The following DDX5 variants were observed in gnomAD, a reference collection of about 807,000 sequenced individuals.
DDX5 encodes the protein probable ATP-dependent RNA helicase DDX5.
Under a neutral mutation model 68.6 loss-of-function variants are expected in DDX5, and 6 were observed. The observed-to-expected ratio is 0.09, with a 90% CI of 0.05 to 0.17. DDX5 has a LOEUF of 0.17. DDX5 is among the 10% of genes least tolerant of loss of function. The pLI, the probability that DDX5 is intolerant of heterozygous loss-of-function variation, is 1.00. For missense variants in DDX5, 499 were observed against 756.1 expected, an observed-to-expected ratio of 0.66 and a Z score of 3.99; for synonymous variants, 350 against 247.0, an observed-to-expected ratio of 1.42 and a Z score of -3.91.
intron 9 of DDX5, 82 bp from the exon 10 acceptor site, chr17:64,502,305 C>G (rs2038316369): frequency 6.6e-7 from 1 of 1,516,834 alleles, no homozygotes. Flanking sequence ...GGTCACAGAT[C>G]TCTTTAATTT....
At chr17:64,503,658 G>C (rs903778243) in intron 5 of DDX5, 87 bp from the exon 6 acceptor site, 1 of 1,570,478 alleles carries the variant, frequency 6.4e-7, no homozygotes, top group Non-Finnish European at 8.7e-7. Flanking sequence ...CTTTCTTCAT[G>C]TGTTGTCCAA....
rs781807864 is a variant in DDX5, at chr17:64,502,142, A to G, written c.1156+20T>C. 3.7e-6 allele frequency: 6 copies of G among 1,613,898 alleles called. No homozygotes were observed. In the South Asian group the frequency reaches 6.6e-5, roughly 18 times the overall value. ...GCTAGGTTAAGTAAGGGGGAAAAAT[A>G]CTTCATTTGAAATATTTACCATTTA... On this transcript the variant is annotated intron_variant, in intron 10 of 12. Coordinates refer to ENST00000225792, the MANE Select transcript of DDX5 (RefSeq NM_004396.5).
rs370378223 is a variant in DDX5 at position 64,502,943 on chromosome 17, G to A, written c.966C>T (p.Asp322=). The A allele has an allele frequency of 1.9e-5, 31 of 1,594,774 alleles. No homozygotes were observed. The highest frequency in any genetic ancestry group is 1.1e-4 in the South Asian group (10 of 88,954). ...AAACTTACTTTTCATCCTTTTCTAC[G>A]TCATGACACACATCCACAATCTGAA... ...NILQIVDVCH[D]VEKDEKLIRL... is the part of the protein sequence containing the mutation. The change falls in exon 8 of 13, where the codon GAC becomes GAT. Residue 322 remains aspartate (D), a synonymous_variant. Transcript: ENST00000225792.
At chr17:64,505,689 C>T (rs148664426) in intron 1 of DDX5, 79 of 1,505,252 alleles carry the variant, frequency 5.2e-5, no homozygotes, top group Non-Finnish European at 6.6e-5. Context: ...TGGAAGTGGT[C>T]CCCTCGCTCC....
In DDX5 at chr17:64,498,403, A is replaced by G. The variant is rs1187368746; in HGVS notation, c.*1520T>C. ...ATCATTTCAGTGTTTACAAATTAAA[A>G]GGCCCACGGTTAAGACATTAAACAG... On this transcript the variant is annotated 3_prime_UTR_variant, in exon 13 of 13. Coordinates refer to ENST00000225792, the MANE Select transcript of DDX5 (RefSeq NM_004396.5). Among the ~76,000 whole-genome samples the G allele has an allele frequency of 6.6e-6, 1 of 152,236 alleles. No individual in the cohort carries two copies. The highest frequency in any genetic ancestry group is 2.4e-5 in the African/African-American group (1 of 41,464).
chr17:64,505,058 C>G (rs935673138), intron 1 of DDX5: 1 of 429,396 alleles, frequency 2.3e-6, no homozygotes, highest in South Asian at 6.2e-5. Context: ...ATGTAAACAG[C>G]CTGGGATTTA....
chr17:64,500,380 G>T, intron 12 of DDX5, 54 bp from the exon 13 acceptor site: 1 of 1,560,586 alleles, frequency 6.4e-7, no homozygotes, highest in African/African-American at 1.4e-5. Flanking sequence ...ACAAATCATT[G>T]TGGACAGAAA....
At chr17:64,506,683 G>A (rs1246753191), upstream of DDX5, 3 of 374,842 alleles carry the variant, frequency 8.0e-6, no homozygotes, top group South Asian at 2.8e-5. Flanking sequence ...TACCACCCCG[G>A]ACCACCGAGA....
In DDX5 at chr17:64,499,869, C is replaced by T; in HGVS notation, c.*54G>A. ...TAAATAACTATCTTGTCAGATAACA[C>T]ACAATATAAAGAGCAATTATGAAAA... is the stretch of plus-strand genomic sequence containing the variant. On this transcript the variant is annotated 3_prime_UTR_variant, in exon 13 of 13. Transcript: ENST00000225792. The T allele has an allele frequency of 2.0e-6, 3 of 1,465,358 alleles. No homozygotes were observed. The highest frequency in any genetic ancestry group is 1.8e-6 in the Non-Finnish European group (2 of 1,096,506). 90.8% of individuals were successfully genotyped at this position (1,465,358 alleles called of 1,614,324 possible).
intron 4 of DDX5, 32 bp downstream of exon 4, chr17:64,503,951 T>A: frequency 6.2e-7 from 1 of 1,614,046 alleles, no homozygotes; most frequent in South Asian, 1.1e-5. Flanking sequence ...CTTGCATATA[T>A]CAGATCAACT....
Position 64,502,422 on chromosome 17 carries a change from G to A in DDX5, c.1094+17C>T. 6.3e-7 allele frequency: 1 copy of A among 1,575,422 alleles called. No individual in the cohort carries two copies. The highest frequency in any genetic ancestry group is 8.7e-7 in the Non-Finnish European group (1 of 1,145,226). On this transcript the variant is annotated intron_variant, in intron 9 of 12. Coordinates refer to ENST00000225792, the MANE Select transcript of DDX5 (RefSeq NM_004396.5). ...CTGTTTTAATCAATCTGCTTCAATG[G>A]AGGAGCTCACACATACCCATCTCTC... is the stretch of plus-strand genomic sequence containing the variant.
chr17:64,505,792 G>A lies in DDX5; in HGVS notation c.44+284C>T, dbSNP rs782388129. 148 of 1,535,962 alleles carry A rather than the reference G, an allele frequency of 9.6e-5. No individual in the cohort carries two copies. The African/African-American group carries it at 1.7e-3, about 18-fold the overall frequency. On this transcript the variant is annotated intron_variant, in intron 1 of 12. Transcript: ENST00000225792. ...GCCTCGAAGCGTCCCGCTTTCATCC[G>A]CACAATACGCTCCCTCTCAACTCCC...
intron 2 of DDX5, 70 bp from the exon 3 acceptor site, chr17:64,504,388 C>T (rs1489446971): frequency 2.3e-6 from 3 of 1,316,328 alleles, no homozygotes; most frequent in African/African-American, 1.5e-5. Context: ...AATTGATAAG[C>T]CCCTAACTTC....
chr17:64,500,933 T>A, intron 11 of DDX5, 160 bp from the exon 12 acceptor site: 1 of 617,104 alleles, frequency 1.6e-6, no homozygotes, highest in Non-Finnish European at 2.8e-6. Flanking sequence ...GGAATACCAT[T>A]GAGGTTGAAA....
intron 1 of DDX5, 48 bp downstream of exon 1, chr17:64,506,028 T>TCCC: frequency 9.5e-6 from 6 of 632,780 alleles, no homozygotes; most frequent in Admixed American, 7.7e-5. Flanking sequence ...TGACCCGCCC[T>TCCC]CCCATCCCCC....
chr17:64,502,710 T>G, intron 8 of DDX5, 161 bp from the exon 9 acceptor site: 1 of 718,156 alleles, frequency 1.4e-6, no homozygotes, highest in East Asian at 2.7e-5. Context: ...CCCTTGGTCC[T>G]TAAGTCAACC....
At position 64,503,968 on chromosome 17, in the gene DDX5, T is replaced by C; in HGVS notation, c.441+15A>G. On this transcript the variant is annotated intron_variant, in intron 4 of 12. Coordinates refer to ENST00000225792, the MANE Select transcript of DDX5 (RefSeq NM_004396.5). ...TGCATATATCAGATCAACTCAAGAG[T>C]TCTCCCAAACTTACAGACAATGTTT... 4 of 1,614,014 alleles carry C rather than the reference T, an allele frequency of 2.5e-6. No individual in the cohort carries two copies. The highest frequency in any genetic ancestry group is 3.4e-6 in the Non-Finnish European group (4 of 1,179,972).
chr17:64,500,581 T>C lies in DDX5; in HGVS notation c.1409A>G (p.Lys470Arg). ...LREANQAINP[K>R]LLQLVEDRGS... ...TCTGTCTTCGACCAACTGAAGCAAC[T>C]TGGGATTAATTGCTTGATTAGCTTC... Residue 470 changes from lysine (K) to arginine (R), a missense_variant, in exon 12 of 13, where the codon AAG becomes AGG. Around this residue, in one of 5 missense-constraint regions of DDX5, gnomAD observed 21 missense variants for 37.6 expected, o/e 0.56. Transcript: ENST00000225792. 6.2e-7 allele frequency: 1 copy of C among 1,614,168 alleles called. No homozygotes were observed. Among genetic ancestry groups the C allele is most frequent in the Non-Finnish European group, 8.5e-7 (1 of 1,180,004 alleles).
chr17:64,502,635 G>A, intron 8 of DDX5, 86 bp from the exon 9 acceptor site: 3 of 1,006,402 alleles, frequency 3.0e-6, no homozygotes, highest in East Asian at 4.8e-5. Context: ...AAAACATTAA[G>A]TTCAATTTAC....
Sources: gnomAD v4.1 joint callset for allele counts (sites outside exome capture counted in the v4.1 genomes callset) on GRCh38, gnomAD v4.1.1 for gene constraint, gnomAD v4.1.1 regional missense constraint, MANE v1.5 for transcripts, NCBI Gene and HGNC (gene_info 2026-07-23, HGNC 2026-07-21) for gene names.